Variants in FAR2 observed in about 807,000 individuals in gnomAD.
FAR2 encodes epididymis secretory protein Li 81.
FAR2 carries 19 observed loss-of-function variants against 56.0 expected under a neutral mutation model. That is an observed-to-expected ratio of 0.34 (90% CI 0.24 to 0.50). The LOEUF (loss-of-function observed/expected upper bound fraction) is 0.50, where lower values mean the gene tolerates loss of function less well. Among genes scored for constraint, FAR2 ranks in the 20% least tolerant of loss-of-function variants. FAR2 has a pLI of 0.98. For missense variants in FAR2, 508 were observed against 642.2 expected (o/e 0.79, Z 2.26); for synonymous variants, 219 against 218.8 (o/e 1.00, Z -0.01).
intron 1 of FAR2, among the ~76,000 whole-genome samples, chr12:29,159,172 C>T (rs1196509591): frequency 6.6e-6 from 1 of 152,118 alleles, no homozygotes; most frequent in Non-Finnish European, 1.5e-5. Flanking sequence ...TTTATTTTCC[C>T]TTCTTCCCTC....
At chr12:29,234,443 T>C (rs1461387091) in intron 1 of FAR2, among the ~76,000 whole-genome samples, 1 of 152,166 alleles carries the variant, frequency 6.6e-6, no homozygotes, top group Non-Finnish European at 1.5e-5. Flanking sequence ...CTTCTTCTTA[T>C]TAAATTTCTG....
intron 9 of FAR2, among the ~76,000 whole-genome samples, chr12:29,319,291 A>T (rs565802565): frequency 1.3e-5 from 2 of 152,244 alleles, no homozygotes; most frequent in South Asian, 4.1e-4. Context: ...GCGCCCGGCC[A>T]AGGGGTACAA....
At chr12:29,268,377 A>G (rs1380698700) in intron 1 of FAR2, among the ~76,000 whole-genome samples, 1 of 152,168 alleles carries the variant, frequency 6.6e-6, no homozygotes, top group Non-Finnish European at 1.5e-5. Context: ...TCTCCAATCA[A>G]TTATCTCCAA....
chr12:29,162,921 T>A (rs4323913), intron 1 of FAR2, among the ~76,000 whole-genome samples: 117,266 of 152,240 alleles, frequency 0.77, 46,289 homozygotes, highest in East Asian at 0.91. Context: ...TACCAAGTAT[T>A]GTATTAAATT....
At chr12:29,295,739 T>C (rs1030233620) in intron 3 of FAR2, among the ~76,000 whole-genome samples, 1 of 149,934 alleles carries the variant, frequency 6.7e-6, no homozygotes, top group Non-Finnish European at 1.5e-5. Context: ...TACAAGCAGC[T>C]AGTGATTTTT....
chr12:29,287,849 C>A lies in FAR2; in HGVS notation c.190-5451C>A, dbSNP rs1259226926. On this transcript the variant is annotated intron_variant, in intron 2 of 11. Transcript: ENST00000536681. ...TGGCTAACTAGTTCATTGTAAGAGACCATGTTAAAGGCCTCTGGATTGTTT... is the reference window on the plus strand; with the variant it reads ...TGGCTAACTAGTTCATTGTAAGAGAACATGTTAAAGGCCTCTGGATTGTTT... 2.6e-5 allele frequency among the ~76,000 whole-genome samples: 4 copies of A among 152,068 alleles called. No homozygotes were observed. The South Asian group carries it at 6.2e-4, about 24-fold the overall frequency.
chr12:29,185,319 CT>C (rs1215394969), intron 1 of FAR2, among the ~76,000 whole-genome samples: 1 of 152,180 alleles, frequency 6.6e-6, no homozygotes, highest in African/African-American at 2.4e-5. Context: ...CTCTGGATCC[CT>C]TTACTTCATT....
At chr12:29,331,561 T>C (rs1297140525) in intron 10 of FAR2, 1 of 152,194 alleles carries the variant, frequency 6.6e-6, no homozygotes, top group Non-Finnish European at 1.5e-5. Flanking sequence ...CTAACAAGTT[T>C]TAGTGCCCTA....
intron 1 of FAR2, among the ~76,000 whole-genome samples, chr12:29,233,969 G>A (rs1252469328): frequency 6.6e-6 from 1 of 152,136 alleles, no homozygotes; most frequent in Non-Finnish European, 1.5e-5. Context: ...GATGGACATT[G>A]CCCTATTCTT....
At chr12:29,164,075 C>T (rs940619383) in intron 1 of FAR2, among the ~76,000 whole-genome samples, 1 of 152,092 alleles carries the variant, frequency 6.6e-6, no homozygotes, top group Non-Finnish European at 1.5e-5. Flanking sequence ...TAAATGAGTT[C>T]GTGTGTGTTA....
intron 1 of FAR2, among the ~76,000 whole-genome samples, chr12:29,180,751 A>C (rs547977684): frequency 6.6e-6 from 1 of 151,848 alleles, no homozygotes; most frequent in East Asian, 1.9e-4. Context: ...CTATCTATCT[A>C]TCTATCTATC....
chr12:29,199,127 G>C (rs576246534), intron 1 of FAR2, among the ~76,000 whole-genome samples: 18 of 152,312 alleles, frequency 1.2e-4, no homozygotes, highest in African/African-American at 4.1e-4. Context: ...TATGACTCAA[G>C]TGTGGGCATA....
At chr12:29,179,305 T>C (rs1949969844) in intron 1 of FAR2, among the ~76,000 whole-genome samples, 1 of 152,212 alleles carries the variant, frequency 6.6e-6, no homozygotes, top group South Asian at 2.1e-4. Flanking sequence ...ATATACATCA[T>C]GGGAGGAGGA....
At chr12:29,280,018 G>A (rs536598671) in intron 2 of FAR2, among the ~76,000 whole-genome samples, 3 of 151,148 alleles carry the variant, frequency 2.0e-5, no homozygotes, top group Non-Finnish European at 2.9e-5. Context: ...TCCACCACCC[G>A]GGTTCAAGTG....
chr12:29,307,583 G>T, intron 4 of FAR2, 75 bp from the exon 5 acceptor site: 1 of 1,420,696 alleles, frequency 7.0e-7, no homozygotes. Context: ...AGTTTTGTTT[G>T]ATTGTGTCTC....
intron 1 of FAR2, among the ~76,000 whole-genome samples, chr12:29,163,220 T>C (rs890439024): frequency 2.0e-5 from 3 of 152,218 alleles, no homozygotes; most frequent in African/African-American, 7.2e-5. Flanking sequence ...CAAATCACTT[T>C]ATTTCTCTGT....
intron 1 of FAR2, among the ~76,000 whole-genome samples, chr12:29,181,573 TA>T (rs1436500476): frequency 8.6e-5 from 9 of 104,352 alleles, no homozygotes; most frequent in Admixed American, 1.8e-4. Flanking sequence ...TGCAAGACAG[TA>T]GAAAGAACCT....
At chr12:29,225,694 A>G (rs1053604683) in intron 1 of FAR2, among the ~76,000 whole-genome samples, 72 of 152,292 alleles carry the variant, frequency 4.7e-4, no homozygotes, top group African/African-American at 1.7e-3. Flanking sequence ...GGAAATTCCA[A>G]AATAAACAAG....
At chr12:29,185,777 A>G (rs1025834683) in intron 1 of FAR2, among the ~76,000 whole-genome samples, 3 of 152,178 alleles carry the variant, frequency 2.0e-5, no homozygotes, top group Admixed American at 2.0e-4. Flanking sequence ...TAGAGGTGGC[A>G]GAGCATGAGT....
Sources: gnomAD v4.1 joint callset for allele counts (sites outside exome capture counted in the v4.1 genomes callset) on GRCh38, gnomAD v4.1.1 for gene constraint, MANE v1.5 for transcripts, NCBI Gene and HGNC (gene_info 2026-07-23, HGNC 2026-07-21) for gene names.